The following ADAM22 variants were observed in gnomAD, a reference collection of about 807,000 sequenced individuals.
The protein encoded by ADAM22 is ADAM metallopeptidase domain 22.
In ADAM22, 65 loss-of-function variants were observed where a neutral mutation model predicts 144.6. That is an observed-to-expected ratio of 0.45 (90% CI 0.37 to 0.55). The LOEUF is 0.55. Ranked by LOEUF, ADAM22 falls within the 20% of genes least tolerant of loss-of-function variation. ADAM22 has a pLI of 0.00. For synonymous variants in ADAM22, 391 were observed against 412.6 expected, an observed-to-expected ratio of 0.95 and a Z score of 0.63; for missense variants, 974 against 1,184.9, an observed-to-expected ratio of 0.82 and a Z score of 2.61.
At chr7:88,147,909 G>A (rs1340602053) in intron 17 of ADAM22, among the ~76,000 whole-genome samples, 1 of 152,204 alleles carries the variant, frequency 6.6e-6, no homozygotes, top group Non-Finnish European at 1.5e-5. Flanking sequence ...ACATTAAGAT[G>A]CAAGTTCCTG....
intron 4 of ADAM22, among the ~76,000 whole-genome samples, chr7:88,078,946 T>TC (rs1398090415): frequency 3.9e-5 from 6 of 152,076 alleles, no homozygotes; most frequent in South Asian, 4.1e-4. Context: ...CAGGAGAACT[T>TC]CCCAATCTAG....
At chr7:87,944,812 T>G (rs891128737) in intron 2 of ADAM22, among the ~76,000 whole-genome samples, 4 of 142,294 alleles carry the variant, frequency 2.8e-5, no homozygotes, top group Non-Finnish European at 6.1e-5. Context: ...AAAGGGAAAC[T>G]TGTGTTTTTT....
chr7:88,089,275 G>T (rs1563193061), intron 4 of ADAM22, among the ~76,000 whole-genome samples: 1 of 151,890 alleles, frequency 6.6e-6, no homozygotes, highest in East Asian at 1.9e-4. Context: ...TATAAAAAAA[G>T]AAAAAACAGA....
At position 87,982,689 on chromosome 7, in the gene ADAM22, AT is replaced by A. The variant is rs1562916576; in HGVS notation, c.323+4278del. ...TTATTACATATATATATATATATAT[AT>A]ATATATATAATTTTTTTTTTTGAGA... On this transcript the variant is annotated intron_variant, in intron 3 of 31. Transcript: ENST00000413139. Among the ~76,000 whole-genome samples the A allele has an allele frequency of 1.5e-3, 104 of 70,736 alleles. 8 individuals are homozygous for A. The highest frequency in any genetic ancestry group is 6.8e-3 in the African/African-American group (89 of 13,056). The allele number at this position is 70,736 out of a possible 152,430, so 46.4% of individuals were successfully genotyped here.
intron 3 of ADAM22, among the ~76,000 whole-genome samples, chr7:88,039,315 C>T (rs28432284): frequency 0.43 from 63,137 of 147,890 alleles, 14,378 homozygotes; most frequent in East Asian, 0.59. Context: ...TGGTGGCACA[C>T]GCCTGTAGTC....
Position 87,951,544 on chromosome 7 carries a change from C to G in ADAM22, c.246+16358C>G, listed in dbSNP as rs1256932652. Among the ~76,000 whole-genome samples the G allele has an allele frequency of 2.4e-5, 2 of 83,822 alleles. 1 individual carries two copies. The highest frequency in any genetic ancestry group is 2.2e-4 in the Admixed American group (2 of 9,268). The allele number at this position is 83,822 out of a possible 152,430, so 55.0% of individuals were successfully genotyped here. A position where few individuals can be genotyped will look rare whatever the true frequency, so the allele number is the denominator to read the frequency against. On this transcript the variant is annotated intron_variant, in intron 2 of 31. Transcript: ENST00000413139. The stretch of plus-strand genomic sequence containing the variant: ...TACCATGCTGTTTTGGTTACTGTAG[C>G]CTTGTAGTATAGTTTGAAGTCAGGT...
chr7:87,956,130 T>C (rs141227262), intron 2 of ADAM22, among the ~76,000 whole-genome samples: 7,039 of 152,180 alleles, frequency 0.046, 571 homozygotes, highest in African/African-American at 0.16. Flanking sequence ...GTGTGCTGCA[T>C]CCACTGTCCT....
At chr7:87,950,792 CAGCACCTGTTGTT>C (rs1844868815) in intron 2 of ADAM22, among the ~76,000 whole-genome samples, 1 of 149,912 alleles carries the variant, frequency 6.7e-6, no homozygotes, top group Non-Finnish European at 1.5e-5. Context: ...ACATCCTCTC[CAGCACCTGTTGTT>C]TCCTGACTTT....
At chr7:87,944,564 C>T (rs1048047097) in intron 2 of ADAM22, among the ~76,000 whole-genome samples, 1 of 151,934 alleles carries the variant, frequency 6.6e-6, no homozygotes, top group East Asian at 1.9e-4. Flanking sequence ...GGAGAGGGAG[C>T]GAGGCGAGCA....
intron 26 of ADAM22, among the ~76,000 whole-genome samples, chr7:88,172,425 A>G (rs918924156): frequency 3.3e-5 from 5 of 152,028 alleles, no homozygotes; most frequent in Middle Eastern, 3.4e-3. Context: ...ATTTAGTTCT[A>G]TACTCATGGT....
chr7:87,939,970 G>A (rs1842138900), intron 2 of ADAM22, among the ~76,000 whole-genome samples: 1 of 152,034 alleles, frequency 6.6e-6, no homozygotes, highest in African/African-American at 2.4e-5. Context: ...GAGGTAGGTG[G>A]ATCATTTGAG....
intron 2 of ADAM22, among the ~76,000 whole-genome samples, chr7:87,946,684 C>A (rs533573150): frequency 6.6e-6 from 1 of 152,212 alleles, no homozygotes; most frequent in South Asian, 2.1e-4. Flanking sequence ...TGTTTCTGGG[C>A]TCTCTATTGT....
intron 3 of ADAM22, among the ~76,000 whole-genome samples, chr7:88,034,065 G>C (rs1038459620): frequency 1.3e-5 from 2 of 152,114 alleles, no homozygotes; most frequent in Non-Finnish European, 2.9e-5. Context: ...TACCTAAGGT[G>C]CAAGACAAAG....
chr7:88,064,906 T>A (rs1032448325), intron 3 of ADAM22, among the ~76,000 whole-genome samples: 9 of 152,096 alleles, frequency 5.9e-5, no homozygotes, highest in African/African-American at 2.2e-4. Flanking sequence ...AACCATTAGA[T>A]CAGTAGAAAT....
intron 3 of ADAM22, among the ~76,000 whole-genome samples, chr7:88,010,171 C>T (rs946741891): frequency 5.9e-5 from 9 of 152,124 alleles, no homozygotes; most frequent in African/African-American, 1.9e-4. Context: ...TGGAACAGAT[C>T]ACCTAAAGAA....
intron 4 of ADAM22, among the ~76,000 whole-genome samples, chr7:88,082,768 C>A (rs1817167467): frequency 6.6e-6 from 1 of 152,048 alleles, no homozygotes; most frequent in Non-Finnish European, 1.5e-5. Context: ...CAGAGAAATG[C>A]AAATCAAAAC....
Position 88,145,349 on chromosome 7 carries a change from A to G in ADAM22, c.1393-66A>G, listed in dbSNP as rs558649119. 6.6e-6 allele frequency: 10 copies of G among 1,507,776 alleles called. No individual in the cohort carries two copies. In the East Asian group the frequency reaches 2.0e-4, roughly 31 times the overall value. The allele number at this position is 1,507,776 out of a possible 1,614,324, so 93.4% of individuals were successfully genotyped here. A position where few individuals can be genotyped will look rare whatever the true frequency, so the allele number is the denominator to read the frequency against. ...TGAGTTTGTACATTTATTTTAGAAA[A>G]TATCCTGTTACTTTCAGGAAAGTGA... is the stretch of plus-strand genomic sequence containing the variant. On this transcript the variant is annotated intron_variant, in intron 16 of 31. Transcript: ENST00000413139.
chr7:88,197,258 T>A lies in ADAM22; in HGVS notation c.*767T>A, dbSNP rs1449693039. The A allele has an allele frequency of 6.6e-6, 1 of 152,234 alleles. No individual in the cohort carries two copies. Among genetic ancestry groups the A allele is most frequent in the East Asian group, 1.9e-4 (1 of 5,196 alleles). The allele number at this position is 152,234 out of a possible 1,614,324, so 9.4% of individuals were successfully genotyped here. On this transcript the variant is annotated 3_prime_UTR_variant, in exon 32 of 32. Transcript: ENST00000413139. ...TAAGCAGGTAATGTAAATATAGTGGTCAATGCTGTAAATGTGTCTCTCCAT... is the reference window on the plus strand; with the variant it reads ...TAAGCAGGTAATGTAAATATAGTGGACAATGCTGTAAATGTGTCTCTCCAT...
At chr7:87,985,279 C>T (rs1485717342) in intron 3 of ADAM22, among the ~76,000 whole-genome samples, 2 of 150,804 alleles carry the variant, frequency 1.3e-5, no homozygotes, top group Non-Finnish European at 1.5e-5. Context: ...CACCACTGCA[C>T]TTCATCCTGG....
Sources: allele counts gnomAD v4.1 joint callset (sites outside exome capture counted in the v4.1 genomes callset), GRCh38; gene constraint gnomAD v4.1.1; transcripts MANE v1.5; gene names NCBI Gene and HGNC (gene_info 2026-07-23, HGNC 2026-07-21).